The following CELF2 variants were observed in gnomAD, a reference collection of about 807,000 sequenced individuals.
CELF2 encodes CUG triplet repeat RNA-binding protein 2.
In CELF2, 8 loss-of-function variants were observed where a neutral mutation model predicts 62.6. That is an observed-to-expected ratio of 0.13 (90% CI 0.07 to 0.23). The LOEUF is 0.23. Ranked by LOEUF, CELF2 falls within the 10% of genes least tolerant of loss-of-function variation. CELF2 has a pLI of 1.00. For synonymous variants in CELF2, 258 were observed against 250.0 expected (o/e 1.03, Z -0.30); for missense variants, 333 against 671.0 (o/e 0.50, Z 5.56).
chr10:10,501,696 T>C, the CELF2 span, among the ~76,000 whole-genome samples: 1 of 152,200 alleles, frequency 6.6e-6, no homozygotes, highest in Non-Finnish European at 1.5e-5. Flanking sequence ...CCATAGCATT[T>C]TGTATGTAGG....
the CELF2 span, among the ~76,000 whole-genome samples, chr10:10,587,931 A>G: frequency 6.6e-6 from 1 of 152,184 alleles, no homozygotes; most frequent in East Asian, 1.9e-4. Flanking sequence ...AAGGTTTACA[A>G]GATTTTCCAG....
chr10:10,738,903 C>T, the CELF2 span, among the ~76,000 whole-genome samples: 1 of 152,090 alleles, frequency 6.6e-6, no homozygotes, highest in Non-Finnish European at 1.5e-5. Flanking sequence ...AACTTTTATT[C>T]ACTAATTGTA....
intron 1 of CELF2, among the ~76,000 whole-genome samples, chr10:11,083,760 C>A (rs1194550476): frequency 2.6e-5 from 4 of 152,150 alleles, no homozygotes; most frequent in African/African-American, 9.7e-5. Context: ...CTTGGGCAAG[C>A]CAGTGAACCT....
chr10:10,540,507 A>C, the CELF2 span, among the ~76,000 whole-genome samples: 1 of 152,136 alleles, frequency 6.6e-6, no homozygotes, highest in African/African-American at 2.4e-5. Context: ...AGGCTTTTTT[A>C]ATTTTTAAGC....
the CELF2 span, among the ~76,000 whole-genome samples, chr10:10,721,980 C>A: frequency 2.0e-5 from 3 of 152,188 alleles, no homozygotes; most frequent in Non-Finnish European, 4.4e-5. Flanking sequence ...TTCAGGAAAG[C>A]TTTTTAAATA....
the CELF2 span, among the ~76,000 whole-genome samples, chr10:10,752,716 AAG>A: frequency 6.9e-6 from 1 of 144,890 alleles, no homozygotes. Flanking sequence ...AAGAAAGAAA[AAG>A]AAAAAAAAAG....
intron 1 of CELF2, among the ~76,000 whole-genome samples, chr10:11,092,754 G>A (rs993177752): frequency 6.6e-6 from 1 of 152,218 alleles, no homozygotes; most frequent in Non-Finnish European, 1.5e-5. Context: ...AGGGAAGAAG[G>A]TGAGAGTGGC....
At chr10:11,282,201 G>A (rs1227098754) in intron 8 of CELF2, among the ~76,000 whole-genome samples, 1 of 151,408 alleles carries the variant, frequency 6.6e-6, no homozygotes, top group Middle Eastern at 3.2e-3. Flanking sequence ...TCTCTCAGAT[G>A]CAAAGTTTAA....
chr10:10,470,989 C>A, the CELF2 span, among the ~76,000 whole-genome samples: 1 of 151,532 alleles, frequency 6.6e-6, no homozygotes, highest in Admixed American at 6.6e-5. Flanking sequence ...ATTTTAGTGT[C>A]TAATTTCTTA....
chr10:10,917,028 A>G (rs550189041), intron 1 of CELF2, among the ~76,000 whole-genome samples: 1 of 152,088 alleles, frequency 6.6e-6, no homozygotes, highest in East Asian at 1.9e-4. Context: ...TTATCTTTTC[A>G]AAGTTTCTAA....
intron 3 of CELF2, among the ~76,000 whole-genome samples, chr10:11,240,997 CCT>C (rs2073683401): frequency 6.6e-6 from 1 of 152,012 alleles, no homozygotes; most frequent in Non-Finnish European, 1.5e-5. Context: ...AGTTATTTAG[CCT>C]CTCTCTGCCT....
chr10:10,838,175 G>C (rs942421280), intron 1 of CELF2, among the ~76,000 whole-genome samples: 1 of 152,050 alleles, frequency 6.6e-6, no homozygotes, highest in Non-Finnish European at 1.5e-5. Context: ...ATATTTTGTC[G>C]AATGCTCCTC....
In CELF2 at chr10:11,257,829, A is replaced by G. The variant is rs773039500; in HGVS notation, c.495A>G (p.Ile165Met). The G allele has an allele frequency of 1.9e-6, 3 of 1,614,250 alleles. No homozygotes were observed. Among genetic ancestry groups the G allele is most frequent in the Non-Finnish European group, 2.5e-6 (3 of 1,180,038 alleles). Residue 165 changes from isoleucine to methionine, a missense_variant, in exon 5 of 13, where the codon ATA (isoleucine) becomes ATG (methionine). This residue lies in a region of CELF2 where 253 missense variants were observed against 503.0 expected (regional missense o/e 0.50). Transcript: ENST00000633077. The stretch of plus-strand genomic sequence containing the variant: ...TGATGTTCTCTCCATTTGGCCAGAT[A>G]GAAGAATGCCGGATCCTCCGGGGAC... ...IRVMFSPFGQ[I>M]EECRILRGPD...
chr10:10,738,752 C>G, the CELF2 span, among the ~76,000 whole-genome samples: 1 of 152,168 alleles, frequency 6.6e-6, no homozygotes, highest in Non-Finnish European at 1.5e-5. Flanking sequence ...GTCCAAGAAA[C>G]TGTCAAAGTC....
Position 10,933,130 on chromosome 10 carries a change from T to TAA in CELF2, c.89+13143_89+13144dup, listed in dbSNP as rs55850099. The stretch of plus-strand genomic sequence containing the variant: ...GGCAACATGGCAAAACCAAGTCTCT[T>TAA]AAAAAAAAAAAAAGGTACAAAAGTT... On this transcript the variant is annotated intron_variant, in intron 2 of 13. Transcript: ENST00000636488. 7.8e-4 allele frequency among the ~76,000 whole-genome samples: 113 copies of TAA among 144,572 alleles called. 1 individual carries two copies. The highest frequency in any genetic ancestry group is 3.5e-3 in the Middle Eastern group (1 of 286). 94.8% of individuals were successfully genotyped at this position (144,572 alleles called of 152,430 possible).
chr10:10,559,249 G>A, the CELF2 span, among the ~76,000 whole-genome samples: 2 of 152,178 alleles, frequency 1.3e-5, no homozygotes, highest in Non-Finnish European at 2.9e-5. Context: ...CACTGGTGAT[G>A]TGAAGAATTC....
At chr10:11,263,800 T>A (rs2081399225) in intron 5 of CELF2, among the ~76,000 whole-genome samples, 2 of 152,180 alleles carry the variant, frequency 1.3e-5, no homozygotes, top group African/African-American at 2.4e-5. Context: ...AAACAAAAAC[T>A]AAAAATCTAT....
At chr10:10,797,167 C>T (rs1367655663), upstream of CELF2, among the ~76,000 whole-genome samples, 1 of 152,106 alleles carries the variant, frequency 6.6e-6, no homozygotes, top group Non-Finnish European at 1.5e-5. Flanking sequence ...AGCATCTTCC[C>T]CCCAGGAAAG....
At chr10:11,141,593 C>T (rs1183587565) in intron 1 of CELF2, among the ~76,000 whole-genome samples, 1 of 152,206 alleles carries the variant, frequency 6.6e-6, no homozygotes, top group African/African-American at 2.4e-5. Flanking sequence ...CTAGACTAGA[C>T]AACCTGGGGT....
Sources: allele counts gnomAD v4.1 joint callset (sites outside exome capture counted in the v4.1 genomes callset), GRCh38; gene constraint gnomAD v4.1.1; regional missense constraint gnomAD v4.1.1; transcripts MANE v1.5; gene names NCBI Gene and HGNC (gene_info 2026-07-23, HGNC 2026-07-21).